ATG4B: variants seen among roughly 807,000 people sequenced by gnomAD.
The protein encoded by ATG4B is autophagy related 4B cysteine peptidase, also known as cysteine protease ATG4B.
ATG4B carries 29 observed loss-of-function variants against 56.6 expected under a neutral mutation model. The observed-to-expected ratio is 0.51, with a 90% CI of 0.38 to 0.70. The LOEUF (loss-of-function observed/expected upper bound fraction) is 0.70, where lower values mean the gene tolerates loss of function less well. Ranked by LOEUF, ATG4B falls within the 30% of genes least tolerant of loss-of-function variation. The probability of loss-of-function intolerance (pLI) is 0.00; values close to 1 mark genes in which losing one functional copy is unlikely to be tolerated. For missense variants in ATG4B, 461 were observed against 515.5 expected (o/e 0.89, Z 1.02); for synonymous variants, 224 against 206.1 (o/e 1.09, Z -0.74).
At chr2:241,644,160 A>G (rs2067994544) in intron 1 of ATG4B, among the ~76,000 whole-genome samples, 2 of 151,918 alleles carry the variant, frequency 1.3e-5, no homozygotes, top group Non-Finnish European at 2.9e-5. Flanking sequence ...CAGCCTGCTT[A>G]ACATAGGGAA....
intron 12 of ATG4B, chr2:241,671,752 C>G (rs34358914): frequency 0.22 from 290,415 of 1,295,382 alleles, 33,488 homozygotes; most frequent in East Asian, 0.27. Context: ...TTGGGCACCA[C>G]TGGCCATGGG....
At position 241,672,209 on chromosome 2, in the gene ATG4B, G is replaced by A. The variant is rs199984102; in HGVS notation, c.1127G>A (p.Arg376Gln). 8.2e-6 allele frequency: 13 copies of A among 1,584,868 alleles called. No homozygotes were observed. The highest frequency in any genetic ancestry group is 1.3e-5 in the African/African-American group (1 of 74,376). The change falls in exon 13 of 13, where the codon CGA (arginine) becomes CAA (glutamine). Residue 376 changes from arginine to glutamine, a missense_variant. By Grantham distance (43) the Arg-to-Gln change is conservative (BLOSUM62 1). Coordinates refer to ENST00000404914, the MANE Select transcript of ATG4B (RefSeq NM_013325.5). ...NLSLDSSDVE[R>Q]LERFFDSEDE... ...CTTCTAGATTCTTCTGATGTAGAGC[G>A]ACTGGAAAGATTCTTCGACTCAGAA...
chr2:241,656,245 C>T (rs2068398790), intron 6 of ATG4B, among the ~76,000 whole-genome samples: 1 of 152,204 alleles, frequency 6.6e-6, no homozygotes. Context: ...CCCAGCTTTT[C>T]TGTCAGGTTC....
At chr2:241,662,952 C>T (rs766153125) in intron 7 of ATG4B, among the ~76,000 whole-genome samples, 42 of 149,846 alleles carry the variant, frequency 2.8e-4, no homozygotes, top group East Asian at 9.9e-4. Flanking sequence ...ACCAATAAAG[C>T]GGGCCGGGCG....
rs547124463 is a variant in ATG4B at position 241,673,342 on chromosome 2, T to G, written c.*1078T>G. On this transcript the variant is annotated 3_prime_UTR_variant, in exon 13 of 13. Coordinates refer to ENST00000404914, the MANE Select transcript of ATG4B (RefSeq NM_013325.5). ...GGTCCCAGAGTGCACTCTGCCCCGC[T>G]GCTCTGCTGCCTGTCCTGGGAAAGT... 243 of 356,834 alleles carry G rather than the reference T, an allele frequency of 6.8e-4. No individual in the cohort carries two copies. In the Middle Eastern group the frequency reaches 0.01, roughly 15 times the overall value. 22.1% of individuals were successfully genotyped at this position (356,834 alleles called of 1,614,324 possible). A position where few individuals can be genotyped will look rare whatever the true frequency, so the allele number is the denominator to read the frequency against.
chr2:241,672,072 A>C, intron 12 of ATG4B, 119 bp from the exon 13 acceptor site: 73 of 1,418,922 alleles, frequency 5.1e-5, no homozygotes, highest in East Asian at 1.2e-4. Context: ...CCGCATGGGG[A>C]CAGCTGTCTG....
chr2:241,655,149 G>T (rs937260462), intron 5 of ATG4B, 122 bp from the exon 6 acceptor site: 5 of 918,948 alleles, frequency 5.4e-6, no homozygotes, highest in Non-Finnish European at 8.5e-6. Flanking sequence ...GCATCCTTCC[G>T]TCTGGAGGCT....
chr2:241,653,310 G>GT (rs2068277915), intron 3 of ATG4B: 1 of 1,547,178 alleles, frequency 6.5e-7, no homozygotes, highest in East Asian at 2.4e-5. Flanking sequence ...TTTTGAGGAG[G>GT]TTGTCGGGAC....
intron 1 of ATG4B, among the ~76,000 whole-genome samples, chr2:241,640,031 A>G (rs1026621409): frequency 2.6e-5 from 4 of 152,146 alleles, no homozygotes; most frequent in Admixed American, 6.5e-5. Flanking sequence ...TGCCTCTATC[A>G]TTTCGATACC....
intron 7 of ATG4B, among the ~76,000 whole-genome samples, chr2:241,661,615 A>T (rs1419280624): frequency 6.6e-6 from 1 of 152,234 alleles, no homozygotes; most frequent in Non-Finnish European, 1.5e-5. Context: ...GAGAAGACTG[A>T]TGCCATTCAG....
rs186356536 is a variant in ATG4B at position 241,651,811 on chromosome 2, C to T, written c.184+476C>T. 16 of 1,028,790 alleles carry T rather than the reference C, an allele frequency of 1.6e-5. No individual in the cohort carries two copies. The East Asian group carries it at 9.0e-4, about 58-fold the overall frequency. 63.7% of individuals were successfully genotyped at this position (1,028,790 alleles called of 1,614,324 possible). ...TTTTTTAGTATTTTCCACACTTAAC[C>T]TGTGGGGAGATTTGAAGGGCCAGGT... On this transcript the variant is annotated intron_variant, in intron 3 of 12. Transcript: ENST00000404914. This position sits in a 1 kb window ranked among gnomAD's most constrained non-coding sequence, Gnocchi z 4.1.
intron 1 of ATG4B, among the ~76,000 whole-genome samples, chr2:241,649,007 G>C (rs1338413954): frequency 6.6e-6 from 1 of 152,208 alleles, no homozygotes; most frequent in African/African-American, 2.4e-5. Flanking sequence ...CATTGGAAGT[G>C]TTTCATTGAA....
Position 241,672,356 on chromosome 2 carries a change from T to C in ATG4B, c.*92T>C, listed in dbSNP as rs2069008294. On this transcript the variant is annotated 3_prime_UTR_variant, in exon 13 of 13. Transcript: ENST00000404914. ...TCCCGCCCGCTCGCCTGCCGAGGGC[T>C]GCGCCCCGTGCTGCCTCCCCCCAGA... 8.3e-7 allele frequency: 1 copy of C among 1,198,136 alleles called. No individual in the cohort carries two copies. The highest frequency in any genetic ancestry group is 2.6e-5 in the East Asian group (1 of 39,176). The allele number at this position is 1,198,136 out of a possible 1,614,324, so 74.2% of individuals were successfully genotyped here.
At chr2:241,666,972 A>C in intron 8 of ATG4B, 134 bp downstream of exon 8, 1 of 1,078,066 alleles carries the variant, frequency 9.3e-7, no homozygotes, top group East Asian at 2.6e-5. Context: ...ACCCTGGTTT[A>C]CACCGTTGCC....
intron 1 of ATG4B, among the ~76,000 whole-genome samples, chr2:241,640,035 C>G (rs888369266): frequency 2.0e-5 from 3 of 152,122 alleles, no homozygotes; most frequent in African/African-American, 7.2e-5. Context: ...TCTATCATTT[C>G]GATACCTTGA....
At chr2:241,637,902 G>T (rs2067722318) in intron 1 of ATG4B, 178 bp downstream of exon 1, 5 of 165,928 alleles carry the variant, frequency 3.0e-5, no homozygotes, top group East Asian at 2.2e-4. Flanking sequence ...TGGGCGGTGG[G>T]AGCGGGAGGG....
At chr2:241,661,648 T>TTTAGTGGACATCCTTA (rs1479659240) in intron 7 of ATG4B, among the ~76,000 whole-genome samples, 1 of 152,234 alleles carries the variant, frequency 6.6e-6, no homozygotes, top group African/African-American at 2.4e-5. Flanking sequence ...AGCTTCTTCC[T>TTTAGTGGACATCCTTA]GCAGCGAAAG....
chr2:241,669,908 G>A (rs35009927), intron 10 of ATG4B, among the ~76,000 whole-genome samples: 58,104 of 146,760 alleles, frequency 0.4, 11,431 homozygotes, highest in Middle Eastern at 0.53. Context: ...ACAGTGATTG[G>A]CACTCTAACA....
At chr2:241,662,822 A>G (rs2068630213) in intron 7 of ATG4B, among the ~76,000 whole-genome samples, 1 of 152,028 alleles carries the variant, frequency 6.6e-6, no homozygotes, top group Non-Finnish European at 1.5e-5. Context: ...CACGCCTATA[A>G]TCCCAACTTC....
Sources: allele counts gnomAD v4.1 joint callset (sites outside exome capture counted in the v4.1 genomes callset), GRCh38; gene constraint gnomAD v4.1.1; non-coding constraint Gnocchi (gnomAD v3.1); transcripts MANE v1.5; gene names NCBI Gene and HGNC (gene_info 2026-07-23, HGNC 2026-07-21).